The following GDAP1 variants were observed in gnomAD, a reference collection of about 807,000 sequenced individuals.
The protein encoded by GDAP1 is ganglioside-induced differentiation-associated protein 1.
In GDAP1, 34 loss-of-function variants were observed where a neutral mutation model predicts 40.1. That is an observed-to-expected ratio of 0.85 (90% confidence interval 0.64 to 1.13). The LOEUF (loss-of-function observed/expected upper bound fraction) is 1.13, where lower values mean the gene tolerates loss of function less well. Among genes scored for constraint, GDAP1 ranks in the 50% most tolerant of loss-of-function variants. The pLI, the probability that GDAP1 is intolerant of heterozygous loss-of-function variation, is 0.00. For synonymous variants in GDAP1, 170 were observed against 157.4 expected (o/e 1.08, Z -0.60); for missense variants, 374 against 433.7 (o/e 0.86, Z 1.22).
At chr8:74,376,574 C>T (rs1037242003) in intron 2 of GDAP1, 1 of 152,202 alleles carries the variant, frequency 6.6e-6, no homozygotes, top group Non-Finnish European at 1.5e-5. Context: ...TGGTCTCGAT[C>T]TCCTGACCTT....
chr8:74,416,935 T>TGTTTTTTG (rs200439330), intron 2 of GDAP1, among the ~76,000 whole-genome samples: 1 of 147,304 alleles, frequency 6.8e-6, no homozygotes, highest in Admixed American at 6.6e-5. Flanking sequence ...TTTTGTTTTT[T>TGTTTTTTG]TTTTTTTTAA....
At chr8:74,448,905 T>G (rs1806264564) in intron 2 of GDAP1, among the ~76,000 whole-genome samples, 1 of 152,096 alleles carries the variant, frequency 6.6e-6, no homozygotes, top group Non-Finnish European at 1.5e-5. Flanking sequence ...TTTTATGAAG[T>G]CCAAATTAGC....
intron 2 of GDAP1, among the ~76,000 whole-genome samples, chr8:74,415,400 A>G (rs958958031): frequency 2.0e-5 from 3 of 150,140 alleles, no homozygotes; most frequent in Non-Finnish European, 2.9e-5. Flanking sequence ...GAAAGAAAAT[A>G]TTAATAGTGT....
intron 2 of GDAP1, among the ~76,000 whole-genome samples, chr8:74,439,482 A>C (rs1490910641): frequency 6.6e-6 from 1 of 152,136 alleles, no homozygotes; most frequent in East Asian, 1.9e-4. Context: ...TCTTGAGCCA[A>C]TACTACAATA....
chr8:74,464,282 C>T (rs533780213), intron 2 of GDAP1, among the ~76,000 whole-genome samples: 53 of 152,224 alleles, frequency 3.5e-4, no homozygotes, highest in African/African-American at 1.3e-3. Context: ...TGTCAAATTC[C>T]GGGTTAATTT....
In GDAP1 at chr8:74,366,298, A is replaced by T. The variant is rs1435736459; in HGVS notation, c.*1931A>T. 1 of 454,510 alleles carries T rather than the reference A, an allele frequency of 2.2e-6. No individual in the cohort carries two copies. The highest frequency in any genetic ancestry group is 2.3e-5 in the Admixed American group (1 of 42,576). The allele number at this position is 454,510 out of a possible 1,614,324, so 28.2% of individuals were successfully genotyped here. A position where few individuals can be genotyped will look rare whatever the true frequency, so the allele number is the denominator to read the frequency against. On this transcript the variant is annotated 3_prime_UTR_variant, in exon 6 of 6. Coordinates refer to ENST00000220822, the MANE Select transcript of GDAP1 (RefSeq NM_018972.4). ...CAATGACCACTAGATGTCGCTGTTT[A>T]TCCAGTAGACTAAGATTGAGTGTTC...
intron 2 of GDAP1, among the ~76,000 whole-genome samples, chr8:74,386,800 A>T (rs148968110): frequency 3.5e-4 from 53 of 152,270 alleles, no homozygotes; most frequent in African/African-American, 1.2e-3. Flanking sequence ...CACAATATTG[A>T]TTCTTCGTAT....
At chr8:74,470,227 C>T (rs1341454576) in intron 2 of GDAP1, among the ~76,000 whole-genome samples, 1 of 151,724 alleles carries the variant, frequency 6.6e-6, no homozygotes, top group Non-Finnish European at 1.5e-5. Context: ...TTAAAATTTC[C>T]TCTGTTTCCT....
At chr8:74,410,107 T>C (rs1048881024) in intron 2 of GDAP1, among the ~76,000 whole-genome samples, 3 of 149,892 alleles carry the variant, frequency 2.0e-5, no homozygotes, top group Non-Finnish European at 4.4e-5. Context: ...TAAGAGAGAA[T>C]TGTCAAGAGA....
At chr8:74,470,068 A>G (rs1199413028) in intron 2 of GDAP1, among the ~76,000 whole-genome samples, 1 of 152,120 alleles carries the variant, frequency 6.6e-6, no homozygotes, top group African/African-American at 2.4e-5. Context: ...CTTAGCTTTT[A>G]TCTTCATTTC....
At chr8:74,455,066 A>T (rs1408731211) in intron 2 of GDAP1, among the ~76,000 whole-genome samples, 1 of 152,036 alleles carries the variant, frequency 6.6e-6, no homozygotes, top group African/African-American at 2.4e-5. Flanking sequence ...AATAAAGACA[A>T]TATGAGTGTT....
intron 2 of GDAP1, among the ~76,000 whole-genome samples, chr8:74,479,664 G>C (rs1041091209): frequency 6.6e-6 from 1 of 152,194 alleles, no homozygotes; most frequent in Non-Finnish European, 1.5e-5. Context: ...GACCAGCTCA[G>C]CTAATCCTGC....
chr8:74,488,271 G>A (rs775374672), intron 2 of GDAP1, among the ~76,000 whole-genome samples: 3 of 152,040 alleles, frequency 2.0e-5, no homozygotes, highest in Non-Finnish European at 4.4e-5. Context: ...GGAAGTTATT[G>A]GTAAAGAATA....
chr8:74,404,208 CT>C (rs1805605767), intron 2 of GDAP1, among the ~76,000 whole-genome samples: 1 of 149,568 alleles, frequency 6.7e-6, no homozygotes, highest in Non-Finnish European at 1.5e-5. Flanking sequence ...AAAAAAAATC[CT>C]GTCTTAGGCT....
intron 2 of GDAP1, among the ~76,000 whole-genome samples, chr8:74,455,536 C>A (rs936479174): frequency 6.6e-6 from 1 of 151,936 alleles, no homozygotes; most frequent in African/African-American, 2.4e-5. Flanking sequence ...TCATTTAACA[C>A]ATAATTATTA....
chr8:74,469,761 A>C (rs1052168575), intron 2 of GDAP1, among the ~76,000 whole-genome samples: 11 of 151,808 alleles, frequency 7.2e-5, no homozygotes, highest in Non-Finnish European at 1.6e-4. Context: ...GGATCACCTG[A>C]GGTCGGGAGT....
intron 2 of GDAP1, among the ~76,000 whole-genome samples, chr8:74,458,565 AAAG>A (rs1806363857): frequency 6.6e-6 from 1 of 152,218 alleles, no homozygotes; most frequent in African/African-American, 2.4e-5. Context: ...TAGCAAATGG[AAAG>A]AAGAAGATAC....
At chr8:74,352,259 T>C (rs1045061308) in intron 2 of GDAP1, among the ~76,000 whole-genome samples, 1 of 152,216 alleles carries the variant, frequency 6.6e-6, no homozygotes, top group African/African-American at 2.4e-5. Flanking sequence ...TGAAGTGAAC[T>C]GTAGCTTCAA....
At position 74,410,646 on chromosome 8, in the gene GDAP1, A is replaced by G. The variant is rs1402220336; in HGVS notation, c.165+59325A>G. ...CATAGTTACTGGTTCCAAGGAGTCC[A>G]CTGACATCAAGTCAAAAGTAAGAGC... On this transcript the variant is annotated intron_variant, in intron 2 of 2. Coordinates refer to the GDAP1 transcript ENST00000523640. Among the ~76,000 whole-genome samples, 2 of 150,102 alleles carry G rather than the reference A, an allele frequency of 1.3e-5. 1 individual carries two copies. Among genetic ancestry groups the G allele is most frequent in the African/African-American group, 5.1e-5 (2 of 39,406 alleles).
Sources: gnomAD v4.1 joint callset for allele counts (sites outside exome capture counted in the v4.1 genomes callset) on GRCh38, gnomAD v4.1.1 for gene constraint, MANE v1.5 for transcripts, NCBI Gene and HGNC (gene_info 2026-07-23, HGNC 2026-07-21) for gene names.